PALLD: variants seen among roughly 807,000 people sequenced by gnomAD.
The protein encoded by PALLD is palladin.
In PALLD, 61 loss-of-function variants were observed where a neutral mutation model predicts 123.5. That is an observed-to-expected ratio of 0.49 (90% CI 0.40 to 0.61). The LOEUF is 0.61. Among genes scored for constraint, PALLD ranks in the 20% least tolerant of loss-of-function variants. The pLI is 0.00. For synonymous variants in PALLD, 465 were observed against 496.4 expected, an observed-to-expected ratio of 0.94 and a Z score of 0.84; for missense variants, 1,273 against 1,377.0, an observed-to-expected ratio of 0.92 and a Z score of 1.20.
intron 2 of PALLD, among the ~76,000 whole-genome samples, chr4:168,588,323 C>T (rs903840586): frequency 1.9e-4 from 29 of 151,960 alleles, no homozygotes; most frequent in Non-Finnish European, 3.7e-4. Flanking sequence ...GAGAGGAGCA[C>T]CTTAAAGAAG....
intron 2 of PALLD, among the ~76,000 whole-genome samples, chr4:168,538,930 C>A (rs1396154955): frequency 1.3e-5 from 2 of 152,158 alleles, no homozygotes; most frequent in South Asian, 4.1e-4. Context: ...GCTACGACTT[C>A]GTGTTCATGT....
intron 2 of PALLD, among the ~76,000 whole-genome samples, chr4:168,652,703 G>A (rs1778174840): frequency 6.6e-6 from 1 of 152,166 alleles, no homozygotes; most frequent in African/African-American, 2.4e-5. Context: ...TCAGGTTTTC[G>A]TTCAAAGAAT....
At chr4:168,715,989 C>A (rs1209990353) in intron 10 of PALLD, among the ~76,000 whole-genome samples, 2 of 151,956 alleles carry the variant, frequency 1.3e-5, no homozygotes, top group African/African-American at 4.8e-5. Context: ...GCATGGAATC[C>A]CCCTAGGAAT....
intron 10 of PALLD, among the ~76,000 whole-genome samples, chr4:168,766,085 A>G (rs897460678): frequency 2.0e-5 from 3 of 152,220 alleles, no homozygotes; most frequent in African/African-American, 7.2e-5. Context: ...CCAAGCAGGA[A>G]GATTTTCTTC....
At chr4:168,914,077 T>G in intron 16 of PALLD, 56 bp downstream of exon 16, 2 of 1,035,292 alleles carry the variant, frequency 1.9e-6, no homozygotes, top group Non-Finnish European at 3.0e-6. Flanking sequence ...TTACTATAAA[T>G]GTAGTACTAT....
intron 10 of PALLD, among the ~76,000 whole-genome samples, chr4:168,840,157 C>T (rs1222589172): frequency 6.6e-6 from 1 of 151,784 alleles, no homozygotes; most frequent in Non-Finnish European, 1.5e-5. Flanking sequence ...CAAAATGAAT[C>T]CAAATGTATT....
intron 10 of PALLD, among the ~76,000 whole-genome samples, chr4:168,788,017 T>C (rs1736988511): frequency 6.6e-6 from 1 of 152,264 alleles, no homozygotes; most frequent in African/African-American, 2.4e-5. Flanking sequence ...GTTGTTAAAC[T>C]GTAACTAATC....
At chr4:168,652,702 C>T (rs956121462) in intron 2 of PALLD, among the ~76,000 whole-genome samples, 5 of 152,230 alleles carry the variant, frequency 3.3e-5, no homozygotes, top group East Asian at 1.9e-4. Context: ...TTCAGGTTTT[C>T]GTTCAAAGAA....
chr4:168,793,116 T>C (rs1487773992), intron 10 of PALLD, among the ~76,000 whole-genome samples: 1 of 147,722 alleles, frequency 6.8e-6, no homozygotes, highest in Non-Finnish European at 1.5e-5. Flanking sequence ...ACATATTTTA[T>C]ATATGTGTGT....
intron 2 of PALLD, among the ~76,000 whole-genome samples, chr4:168,620,409 C>T (rs1774648351): frequency 6.6e-6 from 1 of 152,058 alleles, no homozygotes; most frequent in Admixed American, 6.6e-5. Context: ...GAGCTGAGAT[C>T]GCACCACCGC....
chr4:168,698,389 T>C (rs1581026706), intron 8 of PALLD, among the ~76,000 whole-genome samples: 3 of 151,858 alleles, frequency 2.0e-5, no homozygotes, highest in African/African-American at 7.2e-5. Context: ...ATAATTGGAT[T>C]GAATAACTAA....
At chr4:168,849,831 C>T (rs1015476893) in intron 10 of PALLD, among the ~76,000 whole-genome samples, 2 of 152,024 alleles carry the variant, frequency 1.3e-5, no homozygotes, top group African/African-American at 4.8e-5. Flanking sequence ...CTGGCTGCAT[C>T]AGGGGGCTCA....
rs10434311 is a variant in PALLD, at chr4:168,733,952, G to A, written c.1964+22029G>A. 0.013 allele frequency among the ~76,000 whole-genome samples: 1,982 copies of A among 152,258 alleles called. 187 individuals carry two copies. In the East Asian group the frequency reaches 0.27, roughly 20 times the overall value. ...GGGTTTCACCATGTTAGCCAGGATG[G>A]TCTCGATCTCCTGACCTCGTGATCT... On this transcript the variant is annotated intron_variant, in intron 10 of 21. Transcript: ENST00000505667.
At chr4:168,810,911 T>G in intron 10 of PALLD, among the ~76,000 whole-genome samples, 1 of 149,998 alleles carries the variant, frequency 6.7e-6, no homozygotes. Flanking sequence ...CTGGAAGGAG[T>G]GGGACCATGA....
At chr4:168,578,287 G>A (rs577689931) in intron 2 of PALLD, among the ~76,000 whole-genome samples, 3 of 152,084 alleles carry the variant, frequency 2.0e-5, no homozygotes, top group Admixed American at 6.5e-5. Context: ...CCCACCTAAC[G>A]CTCATCTTGA....
chr4:168,837,400 C>A (rs930338682), intron 10 of PALLD, among the ~76,000 whole-genome samples: 1 of 152,206 alleles, frequency 6.6e-6, no homozygotes, highest in African/African-American at 2.4e-5. Flanking sequence ...TTTAAATAGT[C>A]TTCAGTAGTA....
intron 17 of PALLD, among the ~76,000 whole-genome samples, chr4:168,917,803 T>A: frequency 6.6e-6 from 1 of 152,148 alleles, no homozygotes; most frequent in East Asian, 1.9e-4. Flanking sequence ...ATATATTTTA[T>A]ATATATATGA....
At chr4:168,612,710 T>C (rs890456989) in intron 2 of PALLD, among the ~76,000 whole-genome samples, 1 of 152,134 alleles carries the variant, frequency 6.6e-6, no homozygotes, top group African/African-American at 2.4e-5. Context: ...CAAAAATATC[T>C]ATAAATTTTT....
Position 168,878,388 on chromosome 4 carries a change from C to A in PALLD, c.1965-12534C>A, listed in dbSNP as rs1162490423. ...GCCCTGGGGCTGCCCAAGGGTGTCA[C>A]CCCCGCGTGAGTAACCGCCGCGGTC... On this transcript the variant is annotated intron_variant, in intron 10 of 21. Coordinates refer to ENST00000505667, the MANE Select transcript of PALLD (RefSeq NM_001166108.2). 11 of 1,492,286 alleles carry A rather than the reference C, an allele frequency of 7.4e-6. No homozygotes were observed. The highest frequency in any genetic ancestry group is 1.4e-5 in the African/African-American group (1 of 70,524). 92.4% of individuals were successfully genotyped at this position (1,492,286 alleles called of 1,614,324 possible). A position where few individuals can be genotyped will look rare whatever the true frequency, so the allele number is the denominator to read the frequency against.
Sources: gnomAD v4.1 joint callset for allele counts (sites outside exome capture counted in the v4.1 genomes callset) on GRCh38, gnomAD v4.1.1 for gene constraint, MANE v1.5 for transcripts, NCBI Gene and HGNC (gene_info 2026-07-23, HGNC 2026-07-21) for gene names.